Variants in ARFIP1 observed in about 807,000 individuals in gnomAD.
The protein encoded by ARFIP1 is ARF interacting protein 1.
Under a neutral mutation model 42.5 loss-of-function variants are expected in ARFIP1, and 24 were observed. The observed-to-expected ratio is 0.57, with a 90% CI of 0.41 to 0.80. The LOEUF (loss-of-function observed/expected upper bound fraction) is 0.80. ARFIP1 is among the 30% of genes least tolerant of loss of function. The probability of loss-of-function intolerance (pLI) is 0.00; values close to 1 mark genes in which losing one functional copy is unlikely to be tolerated. For synonymous variants in ARFIP1, 141 were observed against 153.7 expected, an observed-to-expected ratio of 0.92 and a Z score of 0.61; for missense variants, 354 against 434.0, an observed-to-expected ratio of 0.82 and a Z score of 1.64.
intron 1 of ARFIP1, among the ~76,000 whole-genome samples, chr4:152,794,649 A>G (rs1205279296): frequency 6.6e-6 from 1 of 152,116 alleles, no homozygotes; most frequent in Non-Finnish European, 1.5e-5. Flanking sequence ...TAATTTTAGC[A>G]TCTCTCAAGT....
At chr4:152,820,423 T>C (rs1730275755) in intron 1 of ARFIP1, among the ~76,000 whole-genome samples, 1 of 152,062 alleles carries the variant, frequency 6.6e-6, no homozygotes, top group South Asian at 2.1e-4. Flanking sequence ...TCACACACTG[T>C]ATTAGTTTGT....
In ARFIP1 at chr4:152,795,820, A is replaced by ATTTTTTTTTTTTTTTTTTTTT. The variant is rs56845391; in HGVS notation, c.-10+15606_-10+15626dup. ...CGATTGTTACTTGAGGGCCCTTGTAATTTTTTTTTTTTTTTTTTTTTTTTT... is the reference window on the plus strand; with the variant it reads ...CGATTGTTACTTGAGGGCCCTTGTAATTTTTTTTTTTTTTTTTTTTTTTTTTTTTTTTTTTTTTTTTTTTTT... On this transcript the variant is annotated intron_variant, in intron 1 of 8. Coordinates refer to ENST00000353617, the MANE Select transcript of ARFIP1 (RefSeq NM_001025595.3). 1.9e-3 allele frequency among the ~76,000 whole-genome samples: 52 copies of ATTTTTTTTTTTTTTTTTTTTT among 28,062 alleles called. 3 individuals are homozygous for ATTTTTTTTTTTTTTTTTTTTT. Among genetic ancestry groups the ATTTTTTTTTTTTTTTTTTTTT allele is most frequent in the East Asian group, 6.1e-3 (5 of 826 alleles). 18.4% of individuals were successfully genotyped at this position (28,062 alleles called of 152,430 possible).
chr4:152,824,146 C>A (rs1213488443), intron 1 of ARFIP1, among the ~76,000 whole-genome samples: 2 of 151,886 alleles, frequency 1.3e-5, no homozygotes, highest in Admixed American at 6.6e-5. Flanking sequence ...AACCCCCTCT[C>A]TACTAAAAAT....
At chr4:152,886,193 G>A (rs1736246064) in intron 7 of ARFIP1, among the ~76,000 whole-genome samples, 2 of 151,942 alleles carry the variant, frequency 1.3e-5, no homozygotes, top group South Asian at 4.1e-4. Context: ...CCTTGCTCCT[G>A]ATTTTTTAAT....
At chr4:152,853,871 T>A (rs189745407) in intron 2 of ARFIP1, among the ~76,000 whole-genome samples, 1 of 151,832 alleles carries the variant, frequency 6.6e-6, no homozygotes, top group Non-Finnish European at 1.5e-5. Context: ...CTGATTGGGT[T>A]CTTTCAAAAG....
chr4:152,797,169 C>T (rs1397076299), intron 1 of ARFIP1, among the ~76,000 whole-genome samples: 2 of 152,086 alleles, frequency 1.3e-5, no homozygotes, highest in Non-Finnish European at 2.9e-5. Context: ...AGATAGAGAT[C>T]GAATTTTATA....
At chr4:152,784,592 ATCT>A (rs1436088112) in intron 1 of ARFIP1, among the ~76,000 whole-genome samples, 7 of 152,232 alleles carry the variant, frequency 4.6e-5, no homozygotes, top group African/African-American at 1.4e-4. Context: ...CTGCTTTGAA[ATCT>A]TCTTCTAGTA....
At chr4:152,813,874 A>G (rs1176649506) in intron 1 of ARFIP1, among the ~76,000 whole-genome samples, 9 of 152,152 alleles carry the variant, frequency 5.9e-5, no homozygotes, top group Non-Finnish European at 1.3e-4. Context: ...GTATTTACCA[A>G]GTTATTTACC....
intron 1 of ARFIP1, among the ~76,000 whole-genome samples, chr4:152,814,758 T>C (rs1729736754): frequency 6.6e-6 from 1 of 152,124 alleles, no homozygotes; most frequent in Non-Finnish European, 1.5e-5. Context: ...AGACTACAAC[T>C]TTCCCCCTGG....
intron 1 of ARFIP1, among the ~76,000 whole-genome samples, chr4:152,816,060 A>G (rs907621690): frequency 6.6e-6 from 1 of 152,064 alleles, no homozygotes; most frequent in Non-Finnish European, 1.5e-5. Context: ...CCACTTCTTT[A>G]CATCCTCAGC....
At chr4:152,819,837 C>T (rs1578865670) in intron 1 of ARFIP1, among the ~76,000 whole-genome samples, 2 of 152,134 alleles carry the variant, frequency 1.3e-5, no homozygotes, top group African/African-American at 4.8e-5. Flanking sequence ...TCCCTCTTGC[C>T]CACCACTGCA....
rs1729512539 is a variant in ARFIP1 at position 152,812,091 on chromosome 4, C to T, written c.-9-17534C>T. 2.0e-5 allele frequency among the ~76,000 whole-genome samples: 3 copies of T among 152,294 alleles called. No homozygotes were observed. The South Asian group carries it at 6.2e-4, about 32-fold the overall frequency. ...GGTTTTTTATTTAAAGTCACAAACC[C>T]GGAACAATACATAGTTCCATTGCTG... is the stretch of plus-strand genomic sequence containing the variant. On this transcript the variant is annotated intron_variant, in intron 1 of 8. Coordinates refer to ENST00000353617, the MANE Select transcript of ARFIP1 (RefSeq NM_001025595.3).
intron 1 of ARFIP1, among the ~76,000 whole-genome samples, chr4:152,808,532 G>A (rs927891539): frequency 3.3e-5 from 5 of 151,422 alleles, no homozygotes; most frequent in South Asian, 2.1e-4. Flanking sequence ...TAGGATAGTC[G>A]TATGTTTAAC....
chr4:152,907,251 T>G (rs1448768801), intron 8 of ARFIP1, among the ~76,000 whole-genome samples: 2 of 152,128 alleles, frequency 1.3e-5, no homozygotes, highest in Admixed American at 1.3e-4. Context: ...TTTTAGGTGG[T>G]TTTTTCCCTC....
At chr4:152,796,272 T>C in intron 1 of ARFIP1, 1 of 1,019,238 alleles carries the variant, frequency 9.8e-7, no homozygotes, top group East Asian at 2.4e-5. Flanking sequence ...AGGCAAAAGG[T>C]GGCTTTCAGT....
At chr4:152,786,192 G>A (rs866221624) in intron 1 of ARFIP1, among the ~76,000 whole-genome samples, 3 of 152,334 alleles carry the variant, frequency 2.0e-5, no homozygotes, top group Middle Eastern at 3.4e-3. Flanking sequence ...GGATAAAGAT[G>A]TCAGCTTCAT....
At chr4:152,812,516 C>T (rs143245950) in intron 1 of ARFIP1, among the ~76,000 whole-genome samples, 24 of 152,288 alleles carry the variant, frequency 1.6e-4, no homozygotes, top group East Asian at 3.9e-4. Flanking sequence ...ATGTTCCACA[C>T]GATTCTTCTC....
In ARFIP1 at chr4:152,800,919, T is replaced by C. The variant is rs146306215; in HGVS notation, c.-10+20693T>C. Among the ~76,000 whole-genome samples, 54 of 152,278 alleles carry C rather than the reference T, an allele frequency of 3.5e-4. No individual in the cohort carries two copies. The East Asian group carries it at 9.6e-3, about 27-fold the overall frequency. On this transcript the variant is annotated intron_variant, in intron 1 of 8. Coordinates refer to ENST00000353617, the MANE Select transcript of ARFIP1 (RefSeq NM_001025595.3). The stretch of plus-strand genomic sequence containing the variant: ...AGGTGCCATTTATTCTGAAGTCTTA[T>C]AGCGTGGGTACAATTTGAACTACTT...
At position 152,870,827 on chromosome 4, in the gene ARFIP1, A is replaced by G; in HGVS notation, c.277A>G (p.Ser93Gly). The G allele has an allele frequency of 1.2e-6, 2 of 1,613,734 alleles. No homozygotes were observed. Among genetic ancestry groups the G allele is most frequent in the South Asian group, 2.2e-5 (2 of 91,068 alleles). Reference protein sequence around the residue: ...VAASRLAQQGSDLIVPAGGQR... With the variant: ...VAASRLAQQGGDLIVPAGGQR... ...AGCTAGTCGACTGGCTCAGCAAGGA[A>G]GTGATTTAATTGTTCCTGCAGGTAT... The change falls in exon 4 of 9, where the codon AGT becomes GGT. Residue 93 changes from serine (S) to glycine (G), a missense_variant. Coordinates refer to ENST00000353617, the MANE Select transcript of ARFIP1 (RefSeq NM_001025595.3).
Sources: allele counts gnomAD v4.1 joint callset (sites outside exome capture counted in the v4.1 genomes callset), GRCh38; gene constraint gnomAD v4.1.1; transcripts MANE v1.5; gene names NCBI Gene and HGNC (gene_info 2026-07-23, HGNC 2026-07-21).